The following OXR1 variants were observed in gnomAD, a reference collection of about 807,000 sequenced individuals.
OXR1 encodes oxidation resistance 1, also known as oxidation resistance protein 1.
A neutral mutation model predicts 104.6 loss-of-function variants in OXR1; 41 were observed. That is an observed-to-expected ratio of 0.39 (90% CI 0.31 to 0.51). The LOEUF (loss-of-function observed/expected upper bound fraction) is 0.51. Among genes scored for constraint, OXR1 ranks in the 20% least tolerant of loss-of-function variants. The probability of loss-of-function intolerance (pLI) is 0.77; values close to 1 mark genes in which losing one functional copy is unlikely to be tolerated. For synonymous variants in OXR1, 348 were observed against 348.4 expected, an observed-to-expected ratio of 1.00 and a Z score of 0.01; for missense variants, 955 against 1,031.9, an observed-to-expected ratio of 0.93 and a Z score of 1.02.
At chr8:106,589,351 T>TC (rs1428879938) in intron 3 of OXR1, among the ~76,000 whole-genome samples, 1 of 151,758 alleles carries the variant, frequency 6.6e-6, no homozygotes, top group Non-Finnish European at 1.5e-5. Context: ...TTTTTTTTTT[T>TC]TTTTTCCACA....
intron 11 of OXR1, chr8:106,726,262 G>T: frequency 6.6e-7 from 1 of 1,526,020 alleles, no homozygotes; most frequent in Non-Finnish European, 8.8e-7. Context: ...TCTCTGGTAT[G>T]GGAAAAAAGG....
intron 3 of OXR1, among the ~76,000 whole-genome samples, chr8:106,652,786 T>C (rs2131022979): frequency 6.6e-6 from 1 of 151,688 alleles, no homozygotes; most frequent in African/African-American, 2.4e-5. Context: ...TGGATATTAA[T>C]GGAATAGGAA....
intron 2 of OXR1, among the ~76,000 whole-genome samples, chr8:106,374,493 G>C (rs935044502): frequency 6.6e-6 from 1 of 152,084 alleles, no homozygotes; most frequent in South Asian, 2.1e-4. Context: ...TAATAACTAG[G>C]TTTGAGCCTT....
intron 3 of OXR1, among the ~76,000 whole-genome samples, chr8:106,626,282 G>C (rs3110422): frequency 2.6e-5 from 4 of 151,132 alleles, no homozygotes; most frequent in African/African-American, 9.7e-5. Flanking sequence ...CTAAAAAGCC[G>C]TTTCACCCTA....
chr8:106,624,760 A>G (rs947411863), intron 3 of OXR1, among the ~76,000 whole-genome samples: 1 of 152,118 alleles, frequency 6.6e-6, no homozygotes, highest in Non-Finnish European at 1.5e-5. Flanking sequence ...ACATTTCATA[A>G]CATCACTTTG....
chr8:106,410,992 A>G (rs930995497), intron 2 of OXR1, among the ~76,000 whole-genome samples: 2 of 152,172 alleles, frequency 1.3e-5, no homozygotes, highest in African/African-American at 4.8e-5. Flanking sequence ...ACCTGGTACT[A>G]TGCTAAGTGC....
rs567936680 is a variant in OXR1, at chr8:106,291,829, G to C, written c.-139+21462G>C. The stretch of plus-strand genomic sequence containing the variant: ...ATGTTTTACTAGGTGGCAGGCAAGA[G>C]AGCATGTGCAGGGGACATGCCCTTT... On this transcript the variant is annotated intron_variant, in intron 1 of 16. Coordinates refer to ENST00000517566, the MANE Select transcript of OXR1 (RefSeq NM_001198533.2). 3.0e-4 allele frequency among the ~76,000 whole-genome samples: 45 copies of C among 152,288 alleles called. No individual in the cohort carries two copies. In the South Asian group the frequency reaches 8.7e-3, roughly 29 times the overall value.
intron 2 of OXR1, among the ~76,000 whole-genome samples, chr8:106,487,108 T>G (rs1434235350): frequency 6.6e-6 from 1 of 150,624 alleles, no homozygotes; most frequent in Non-Finnish European, 1.5e-5. Flanking sequence ...ACTGCAAACT[T>G]CACCTCCCGG....
chr8:106,420,362 A>G (rs909490954), intron 2 of OXR1, among the ~76,000 whole-genome samples: 2 of 152,040 alleles, frequency 1.3e-5, no homozygotes, highest in South Asian at 4.1e-4. Flanking sequence ...AGAAATAAAT[A>G]TATTATTCTT....
intron 1 of OXR1, among the ~76,000 whole-genome samples, chr8:106,296,927 T>G (rs1250566963): frequency 6.6e-6 from 1 of 152,220 alleles, no homozygotes; most frequent in Non-Finnish European, 1.5e-5. Context: ...TGAATATTGC[T>G]TTTCCTTGAA....
chr8:106,433,557 C>T (rs1335624242), intron 2 of OXR1, among the ~76,000 whole-genome samples: 1 of 152,190 alleles, frequency 6.6e-6, no homozygotes, highest in East Asian at 1.9e-4. Context: ...AAACCATGAA[C>T]TGAATTCCTT....
chr8:106,430,284 A>G (rs1040333044), intron 2 of OXR1, among the ~76,000 whole-genome samples: 1 of 152,230 alleles, frequency 6.6e-6, no homozygotes, highest in Non-Finnish European at 1.5e-5. Flanking sequence ...TTTAAAAACT[A>G]CAATTGTATA....
At chr8:106,525,885 C>G (rs923893116) in intron 3 of OXR1, among the ~76,000 whole-genome samples, 1 of 152,192 alleles carries the variant, frequency 6.6e-6, no homozygotes, top group African/African-American at 2.4e-5. Context: ...TACGATTAAT[C>G]ATCCAATGTT....
Position 106,316,003 on chromosome 8 carries a change from C to A in OXR1, c.-138-43473C>A, listed in dbSNP as rs1157827987. 2.0e-5 allele frequency among the ~76,000 whole-genome samples: 3 copies of A among 152,064 alleles called. No individual in the cohort carries two copies. In the East Asian group the frequency reaches 5.8e-4, roughly 29 times the overall value. ...AAAAACAGATAATCTATAGGTTAGA[C>A]CATTTAGAGAGGTAATTCGTCTGGG... On this transcript the variant is annotated intron_variant, in intron 1 of 16. Coordinates refer to ENST00000517566, the MANE Select transcript of OXR1 (RefSeq NM_001198533.2).
At position 106,718,064 on chromosome 8, in the gene OXR1, C is replaced by G. The variant is rs181394705; in HGVS notation, c.1956+4079C>G. Among the ~76,000 whole-genome samples the G allele has an allele frequency of 2.3e-3, 351 of 152,256 alleles. 2 individuals are homozygous for G. Among genetic ancestry groups the G allele is most frequent in the African/African-American group, 8.0e-3 (332 of 41,570 alleles). On this transcript the variant is annotated intron_variant, in intron 11 of 16. Coordinates refer to ENST00000517566, the MANE Select transcript of OXR1 (RefSeq NM_001198533.2). ...TCTGTCTTCCAATGCAAGTCAATAA[C>G]AACAAGAAACATTTTCTATTTACTG...
chr8:106,383,923 T>C (rs1035932955), intron 2 of OXR1, among the ~76,000 whole-genome samples: 7 of 152,212 alleles, frequency 4.6e-5, no homozygotes, highest in African/African-American at 1.4e-4. Flanking sequence ...GGGATTTTAT[T>C]TGTTCATAAA....
intron 3 of OXR1, among the ~76,000 whole-genome samples, chr8:106,604,467 C>T (rs143975102): frequency 3.5e-4 from 54 of 152,240 alleles, no homozygotes; most frequent in African/African-American, 1.2e-3. Flanking sequence ...TTATTGATAT[C>T]CTCCAAACCA....
intron 1 of OXR1, among the ~76,000 whole-genome samples, chr8:106,282,085 T>C (rs952365249): frequency 2.0e-5 from 3 of 152,192 alleles, no homozygotes; most frequent in African/African-American, 7.2e-5. Flanking sequence ...GTTTAAATGA[T>C]TTTAAAATTA....
chr8:106,381,547 T>C (rs1817149574), intron 2 of OXR1, among the ~76,000 whole-genome samples: 1 of 151,986 alleles, frequency 6.6e-6, no homozygotes, highest in Non-Finnish European at 1.5e-5. Flanking sequence ...ATAATGGCCA[T>C]TGGGTCACCT....
Sources: allele counts gnomAD v4.1 joint callset (sites outside exome capture counted in the v4.1 genomes callset), GRCh38; gene constraint gnomAD v4.1.1; transcripts MANE v1.5; gene names NCBI Gene and HGNC (gene_info 2026-07-23, HGNC 2026-07-21).